Variants in SULT1C3 observed in about 807,000 individuals in gnomAD.
SULT1C3 encodes the protein sulfotransferase 1C3.
Under a neutral mutation model 28.4 loss-of-function variants are expected in SULT1C3, and 31 were observed. The observed-to-expected ratio is 1.09, with a 90% CI of 0.82 to 1.47. The LOEUF (loss-of-function observed/expected upper bound fraction) is 1.47, where lower values mean the gene tolerates loss of function less well. Ranked by LOEUF, SULT1C3 falls within the 40% of genes most tolerant of loss-of-function variation. The probability of loss-of-function intolerance (pLI) is 0.00; values close to 1 mark genes in which losing one functional copy is unlikely to be tolerated. For missense variants in SULT1C3, 307 were observed against 272.5 expected (o/e 1.13, Z -0.89); for synonymous variants, 106 against 92.2 (o/e 1.15, Z -0.86).
rs74848520 is a variant in SULT1C3 at position 108,257,819 on chromosome 2, C to A, written c.527-915C>A. Reference sequence around the variant, plus strand: ...ATCCGCTGGGGGTCATGTGATATATCCCCTGTGCATAAGGATGAACTAATG... The same window carrying A: ...ATCCGCTGGGGGTCATGTGATATATACCCTGTGCATAAGGATGAACTAATG... On this transcript the variant is annotated intron_variant, in intron 5 of 7. Transcript: ENST00000681802. 2.8e-3 allele frequency among the ~76,000 whole-genome samples: 432 copies of A among 152,034 alleles called. 7 individuals are homozygous for A. In the East Asian group the frequency reaches 0.029, roughly 10 times the overall value.
chr2:108,240,151 G>A (rs1466213), intron 1 of SULT1C3, among the ~76,000 whole-genome samples, 68 bp downstream of exon 1: 40,549 of 152,092 alleles, frequency 0.27, 6,369 homozygotes, highest in East Asian at 0.73. Flanking sequence ...GAAAAGGGTC[G>A]GGATATTCAA....
downstream of SULT1C3, among the ~76,000 whole-genome samples, chr2:108,263,099 T>C (rs975828830): frequency 6.6e-6 from 1 of 152,206 alleles, no homozygotes; most frequent in Non-Finnish European, 1.5e-5. Context: ...AGGTACTGGG[T>C]TGATCACCCT....
Position 108,253,428 on chromosome 2 carries a change from A to G in SULT1C3, c.385A>G (p.Lys129Glu). The change falls in exon 4 of 8, where the codon AAA (lysine) becomes GAA (glutamate). Residue 129 changes from lysine (K) to glutamate (E), a missense_variant. Coordinates refer to ENST00000681802, the MANE Select transcript of SULT1C3 (RefSeq NM_001320878.2). ...PSHLIPPSIW[K>E]ENCKIVYVAR... ...ACATCTGATTCCACCATCTATCTGG[A>G]AAGAAAACTGCAAGGTATAAAGAGG... The G allele has an allele frequency of 6.4e-7, 1 of 1,550,584 alleles. No homozygotes were observed. The highest frequency in any genetic ancestry group is 8.7e-7 in the Non-Finnish European group (1 of 1,146,298).
At chr2:108,264,731 T>TTAA, downstream of SULT1C3, 1 of 1,257,230 alleles carries the variant, frequency 8.0e-7, no homozygotes, top group Non-Finnish European at 1.1e-6. Context: ...AAATGATCCT[T>TTAA]TAACTCATTT....
chr2:108,264,788 C>A (rs752372908), downstream of SULT1C3: 1 of 1,565,682 alleles, frequency 6.4e-7, no homozygotes, highest in Non-Finnish European at 8.7e-7. Flanking sequence ...AGGGAAGACC[C>A]AACATGATTT....
At chr2:108,251,522 A>T (rs1675724636) in intron 2 of SULT1C3, among the ~76,000 whole-genome samples, 1 of 152,034 alleles carries the variant, frequency 6.6e-6, no homozygotes. Flanking sequence ...ATGGTGCAAG[A>T]AGTACCAAGC....
At chr2:108,240,484 G>T (rs1675440872) in intron 1 of SULT1C3, among the ~76,000 whole-genome samples, 2 of 152,154 alleles carry the variant, frequency 1.3e-5, no homozygotes, top group Admixed American at 6.5e-5. Flanking sequence ...CCAAGATATA[G>T]AATTTCCCTT....
At chr2:108,257,161 A>G (rs569687547) in intron 5 of SULT1C3, among the ~76,000 whole-genome samples, 15 of 152,090 alleles carry the variant, frequency 9.9e-5, no homozygotes, top group African/African-American at 3.6e-4. Flanking sequence ...AGAAAAGGAG[A>G]TAATGTTAAA....
intron 4 of SULT1C3, among the ~76,000 whole-genome samples, chr2:108,253,964 T>G (rs1558664584): frequency 6.6e-6 from 1 of 152,010 alleles, no homozygotes; most frequent in East Asian, 1.9e-4. Context: ...TTCTAATCTG[T>G]GCACTACACT....
chr2:108,258,484 T>G (rs1675932041), intron 5 of SULT1C3, among the ~76,000 whole-genome samples: 1 of 152,148 alleles, frequency 6.6e-6, no homozygotes, highest in East Asian at 1.9e-4. Context: ...GGGAAGAATT[T>G]TATTGCCGAA....
At chr2:108,263,000 T>A (rs1676056456), downstream of SULT1C3, among the ~76,000 whole-genome samples, 1 of 152,180 alleles carries the variant, frequency 6.6e-6, no homozygotes, top group Non-Finnish European at 1.5e-5. Flanking sequence ...ACATATGTGA[T>A]TAATTTATTT....
chr2:108,262,541 G>A (rs73952171), downstream of SULT1C3, among the ~76,000 whole-genome samples: 997 of 152,240 alleles, frequency 6.5e-3, 6 homozygotes, highest in African/African-American at 0.022. Context: ...ATGGGATCAC[G>A]GGTTTTGGGC....
chr2:108,263,060 T>C (rs746330911), downstream of SULT1C3, among the ~76,000 whole-genome samples: 13 of 152,188 alleles, frequency 8.5e-5, no homozygotes, highest in Non-Finnish European at 1.3e-4. Flanking sequence ...TGGTGCCTAA[T>C]GAAGTTTGCT....
chr2:108,258,371 G>C (rs1004118212), intron 5 of SULT1C3, among the ~76,000 whole-genome samples: 12 of 152,190 alleles, frequency 7.9e-5, no homozygotes, highest in African/African-American at 2.9e-4. Flanking sequence ...CTTGCAAACT[G>C]CATAGTGCAG....
intron 7 of SULT1C3, 130 bp from the exon 8 acceptor site, chr2:108,260,438 C>A: frequency 3.0e-6 from 1 of 337,006 alleles, no homozygotes; most frequent in South Asian, 2.4e-5. Flanking sequence ...GTGGAAAGAC[C>A]AGAGGGAGTG....
At chr2:108,252,317 T>A in intron 2 of SULT1C3, 48 bp from the exon 3 acceptor site, 17 of 1,542,028 alleles carry the variant, frequency 1.1e-5, no homozygotes, top group Non-Finnish European at 1.4e-5. Flanking sequence ...TAACTTAGAA[T>A]GAAAGTTCAA....
downstream of SULT1C3, among the ~76,000 whole-genome samples, chr2:108,262,255 A>G (rs1470874): frequency 0.67 from 101,090 of 151,976 alleles, 33,866 homozygotes; most frequent in East Asian, 0.84. Context: ...AATGATTAGA[A>G]AGCTCGGGCC....
downstream of SULT1C3, among the ~76,000 whole-genome samples, chr2:108,262,643 T>C (rs1325373387): frequency 6.6e-6 from 1 of 152,202 alleles, no homozygotes; most frequent in African/African-American, 2.4e-5. Context: ...TTGCTGGTCA[T>C]TTCTACAAGG....
rs1675953327 is a variant in SULT1C3 at position 108,259,145 on chromosome 2, A to G, written c.801A>G (p.Lys267=). ...ACTCCATCTCAAAATTTATGAGGAA[A>G]GGTTGGTGGCATTTCTTTTCCTTAA... The part of the protein sequence containing the change: ...FNHSISKFMR[K]GMPGDWKNHF... Residue 267 remains lysine, a splice_region_variant and synonymous_variant, in exon 7 of 8, where the codon AAA becomes AAG. Coordinates refer to ENST00000681802, the MANE Select transcript of SULT1C3 (RefSeq NM_001320878.2). The G allele has an allele frequency of 5.2e-6, 2 of 387,534 alleles. No homozygotes were observed. The highest frequency in any genetic ancestry group is 5.8e-5 in the East Asian group (1 of 17,358). The allele number at this position is 387,534 out of a possible 1,614,324, so 24.0% of individuals were successfully genotyped here. A position where few individuals can be genotyped will look rare whatever the true frequency, so the allele number is the denominator to read the frequency against.
Sources: gnomAD v4.1 joint callset for allele counts (sites outside exome capture counted in the v4.1 genomes callset) on GRCh38, gnomAD v4.1.1 for gene constraint, MANE v1.5 for transcripts, NCBI Gene and HGNC (gene_info 2026-07-23, HGNC 2026-07-21) for gene names.